Variants in SCRN1 observed in about 807,000 individuals in gnomAD.
SCRN1 encodes the protein secernin 1.
SCRN1 carries 19 observed loss-of-function variants against 43.3 expected under a neutral mutation model. The ratio of observed to expected loss-of-function variants is 0.44; its 90% CI spans 0.31 to 0.64. SCRN1 has a LOEUF of 0.64. Among genes scored for constraint, SCRN1 ranks in the 30% least tolerant of loss-of-function variants. The pLI, the probability that SCRN1 is intolerant of heterozygous loss-of-function variation, is 0.09. For missense variants in SCRN1, 447 were observed against 524.1 expected, an observed-to-expected ratio of 0.85 and a Z score of 1.44; for synonymous variants, 183 against 188.9, an observed-to-expected ratio of 0.97 and a Z score of 0.26.
At chr7:29,947,277 G>C (rs1787765946) in intron 3 of SCRN1, 1 of 1,550,564 alleles carries the variant, frequency 6.4e-7, no homozygotes, top group African/African-American at 1.4e-5. Context: ...CTTCTCACAG[G>C]TATGTCAAGC....
chr7:29,944,404 A>G (rs183634563), intron 3 of SCRN1, among the ~76,000 whole-genome samples: 8 of 152,334 alleles, frequency 5.3e-5, no homozygotes, highest in Non-Finnish European at 1.0e-4. Flanking sequence ...GCAGTGGTTC[A>G]TGCCTATAAT....
intron 1 of SCRN1, among the ~76,000 whole-genome samples, chr7:29,983,813 T>C (rs1789067080): frequency 6.6e-6 from 1 of 152,230 alleles, no homozygotes; most frequent in Non-Finnish European, 1.5e-5. Flanking sequence ...CCATATAATG[T>C]AGGAAATTAG....
chr7:29,976,347 C>T (rs765944297), intron 1 of SCRN1, among the ~76,000 whole-genome samples: 21 of 152,068 alleles, frequency 1.4e-4, no homozygotes, highest in African/African-American at 3.9e-4. Context: ...AAGCCAGTCA[C>T]GAAAAAACTT....
At chr7:29,939,425 G>A (rs1217094206) in intron 5 of SCRN1, among the ~76,000 whole-genome samples, 1 of 152,020 alleles carries the variant, frequency 6.6e-6, no homozygotes, top group Non-Finnish European at 1.5e-5. Context: ...TACCCAGGCT[G>A]GTCTTAAACT....
At chr7:29,947,357 G>A in intron 3 of SCRN1, 2 of 1,543,946 alleles carry the variant, frequency 1.3e-6, no homozygotes, top group South Asian at 2.4e-5. Flanking sequence ...TACTTCTCCT[G>A]CTTAAAGCCC....
intron 3 of SCRN1, among the ~76,000 whole-genome samples, chr7:29,953,156 C>T (rs188881075): frequency 6.6e-6 from 1 of 152,322 alleles, no homozygotes; most frequent in African/African-American, 2.4e-5. Flanking sequence ...AAGGCCACAC[C>T]CTGGAATTCT....
intron 5 of SCRN1, among the ~76,000 whole-genome samples, chr7:29,938,026 C>A (rs1462827430): frequency 6.6e-6 from 1 of 151,968 alleles, no homozygotes; most frequent in Non-Finnish European, 1.5e-5. Flanking sequence ...CTTGTTTTTT[C>A]CCCTTGCATC....
rs143400313 is a variant in SCRN1 at position 29,926,469 on chromosome 7, T to C, written c.1069A>G (p.Ile357Val). 513 of 1,613,080 alleles carry C rather than the reference T, an allele frequency of 3.2e-4. No homozygotes were observed. The highest frequency in any genetic ancestry group is 4.3e-4 in the Non-Finnish European group (505 of 1,179,518). ...AAGCTCACCTGGTCACTTTCGATGATGGCACGTGCCCACTCGTGGGCTTTG... is the reference window on the plus strand; with the variant it reads ...AAGCTCACCTGGTCACTTTCGATGACGGCACGTGCCCACTCGTGGGCTTTG... Reference protein sequence around the residue: ...LYKAHEWARAIIESDQEQGRK... With the variant: ...LYKAHEWARAVIESDQEQGRK... The change falls in exon 7 of 8, where the codon ATC (isoleucine) becomes GTC (valine). Residue 357 changes from isoleucine (I) to valine (V), a missense_variant. Transcript: ENST00000242059.
chr7:29,930,919 T>C (rs901106135), intron 6 of SCRN1, among the ~76,000 whole-genome samples: 1 of 152,176 alleles, frequency 6.6e-6, no homozygotes, highest in Admixed American at 6.5e-5. Context: ...AATGAGACCA[T>C]GAGCAACACT....
At chr7:29,969,991 T>C in intron 1 of SCRN1, 1 of 409,456 alleles carries the variant, frequency 2.4e-6, no homozygotes, top group Middle Eastern at 3.7e-4. Flanking sequence ...AACCTCCCAC[T>C]CCTCTCCACC....
chr7:29,989,606 C>T, intron 1 of SCRN1, 36 bp downstream of exon 1: 2 of 985,644 alleles, frequency 2.0e-6, no homozygotes, highest in Non-Finnish European at 2.4e-6. Context: ...GGGAAAGCAG[C>T]GCTGCAAACG....
chr7:29,959,845 T>C (rs1788248650), intron 2 of SCRN1, among the ~76,000 whole-genome samples: 1 of 151,930 alleles, frequency 6.6e-6, no homozygotes, highest in African/African-American at 2.4e-5. Flanking sequence ...CCATGTTCTC[T>C]TGGAAGTGAG....
At chr7:29,946,301 GAACA>G (rs749910390) in intron 3 of SCRN1, among the ~76,000 whole-genome samples, 5 of 152,178 alleles carry the variant, frequency 3.3e-5, no homozygotes, top group African/African-American at 1.2e-4. Context: ...TGAGGCTCCG[GAACA>G]AACAAAGGTG....
chr7:29,938,635 G>C (rs1787424391), intron 5 of SCRN1, among the ~76,000 whole-genome samples: 1 of 152,260 alleles, frequency 6.6e-6, no homozygotes, highest in South Asian at 2.1e-4. Context: ...AGCAATCTGT[G>C]TCTTAAGGAC....
At chr7:29,976,211 C>T (rs1181043179) in intron 1 of SCRN1, among the ~76,000 whole-genome samples, 1 of 152,194 alleles carries the variant, frequency 6.6e-6, no homozygotes, top group Non-Finnish European at 1.5e-5. Context: ...TCTCTATCTG[C>T]ACCATCCAAT....
intron 1 of SCRN1, among the ~76,000 whole-genome samples, chr7:29,977,309 CCTTCCAG>C (rs1381540536): frequency 3.9e-5 from 6 of 152,164 alleles, no homozygotes; most frequent in African/African-American, 1.4e-4. Context: ...TGAATTACCA[CCTTCCAG>C]AAAAGCAAAG....
At chr7:29,967,107 G>A (rs1788521519) in intron 2 of SCRN1, among the ~76,000 whole-genome samples, 1 of 152,006 alleles carries the variant, frequency 6.6e-6, no homozygotes, top group Non-Finnish European at 1.5e-5. Flanking sequence ...AGTGAAAAGA[G>A]CTTCTTCATT....
upstream of SCRN1, chr7:29,989,854 G>GT: frequency 1.2e-6 from 1 of 832,480 alleles, no homozygotes; most frequent in Non-Finnish European, 1.3e-6. Flanking sequence ...TCACGTGACC[G>GT]CGGGCCCACC....
chr7:29,985,736 C>G (rs1789128821), intron 1 of SCRN1, among the ~76,000 whole-genome samples: 1 of 152,230 alleles, frequency 6.6e-6, no homozygotes, highest in Non-Finnish European at 1.5e-5. Flanking sequence ...TATTCTGCTT[C>G]ATAGTCTCAT....
Sources: allele counts gnomAD v4.1 joint callset (sites outside exome capture counted in the v4.1 genomes callset), GRCh38; gene constraint gnomAD v4.1.1; transcripts MANE v1.5; gene names NCBI Gene and HGNC (gene_info 2026-07-23, HGNC 2026-07-21).